The following R3HDM2 variants were observed in gnomAD, a reference collection of about 807,000 sequenced individuals.
R3HDM2 encodes the protein R3H domain containing 2, also known as R3H domain-containing protein 2.
Under a neutral mutation model 124.5 loss-of-function variants are expected in R3HDM2, and 38 were observed. That is an observed-to-expected ratio of 0.31 (90% CI 0.24 to 0.40). The LOEUF is 0.40. Among genes scored for constraint, R3HDM2 ranks in the 10% least tolerant of loss-of-function variants. R3HDM2 has a pLI of 1.00. For synonymous variants in R3HDM2, 391 were observed against 448.0 expected, an observed-to-expected ratio of 0.87 and a Z score of 1.61; for missense variants, 869 against 1,236.9, an observed-to-expected ratio of 0.70 and a Z score of 4.46.
At chr12:57,311,207 T>C (rs1212836586) in intron 2 of R3HDM2, among the ~76,000 whole-genome samples, 3 of 151,856 alleles carry the variant, frequency 2.0e-5, no homozygotes, top group East Asian at 1.9e-4. Context: ...TAAATGGTTA[T>C]AGAATCTATA....
At chr12:57,280,296 G>A (rs977405237) in intron 14 of R3HDM2, 62 bp downstream of exon 14, 9 of 1,511,168 alleles carry the variant, frequency 6.0e-6, no homozygotes, top group South Asian at 3.9e-5. Flanking sequence ...GAGACATGAC[G>A]GTACATCTAA....
At chr12:57,418,903 T>A (rs1424797864) in intron 1 of R3HDM2, among the ~76,000 whole-genome samples, 4 of 152,152 alleles carry the variant, frequency 2.6e-5, no homozygotes, top group Non-Finnish European at 5.9e-5. Flanking sequence ...TCCTAACCAG[T>A]GTCACTCCCT....
chr12:57,292,868 G>A (rs12820086), intron 10 of R3HDM2, among the ~76,000 whole-genome samples: 3 of 152,114 alleles, frequency 2.0e-5, no homozygotes, highest in Non-Finnish European at 4.4e-5. Flanking sequence ...TTTCTGGATG[G>A]CTGGGGACTC....
intron 7 of R3HDM2, 25 bp downstream of exon 7, chr12:57,298,065 C>T (rs1174686492): frequency 2.6e-6 from 4 of 1,513,446 alleles, no homozygotes; most frequent in South Asian, 1.2e-5. Context: ...AACCCCTTTT[C>T]CTCTTATACC....
chr12:57,423,332 G>A (rs1238381828), intron 1 of R3HDM2, among the ~76,000 whole-genome samples: 2 of 151,800 alleles, frequency 1.3e-5, no homozygotes, highest in East Asian at 3.9e-4. Flanking sequence ...ACTAAAGTGG[G>A]AGACTTGCTT....
chr12:57,309,407 G>A (rs1195591913), intron 3 of R3HDM2, among the ~76,000 whole-genome samples: 2 of 152,190 alleles, frequency 1.3e-5, no homozygotes, highest in African/African-American at 4.8e-5. Context: ...GGGCTGGCCA[G>A]GCAGAAACCA....
chr12:57,307,022 A>C (rs905166067), intron 3 of R3HDM2, among the ~76,000 whole-genome samples: 2 of 152,228 alleles, frequency 1.3e-5, no homozygotes, highest in Non-Finnish European at 2.9e-5. Context: ...TTCAAAACAA[A>C]AAAAAAGGAC....
At chr12:57,264,872 A>C (rs1443164118) in intron 19 of R3HDM2, among the ~76,000 whole-genome samples, 2 of 152,168 alleles carry the variant, frequency 1.3e-5, no homozygotes, top group Non-Finnish European at 2.9e-5. Context: ...CCTGGCTTCA[A>C]GAAATTCTCC....
intron 2 of R3HDM2, among the ~76,000 whole-genome samples, chr12:57,386,159 G>GCCCTCA (rs2065720474): frequency 1.3e-5 from 2 of 152,180 alleles, no homozygotes; most frequent in Non-Finnish European, 2.9e-5. Flanking sequence ...GGCAGCGCTC[G>GCCCTCA]CAGCCCTCCC....
At chr12:57,311,667 C>T (rs138254610) in intron 2 of R3HDM2, among the ~76,000 whole-genome samples, 46 of 152,222 alleles carry the variant, frequency 3.0e-4, no homozygotes, top group Non-Finnish European at 5.4e-4. Flanking sequence ...GCCATCGCAC[C>T]CAGCCTTAAA....
intron 3 of R3HDM2, 44 bp from the exon 4 acceptor site, chr12:57,303,261 G>A (rs780899985): frequency 1.7e-5 from 25 of 1,440,124 alleles, no homozygotes; most frequent in Admixed American, 7.9e-5. Flanking sequence ...GAAGAAAATC[G>A]ACATGTAAGT....
At chr12:57,284,834 G>A (rs2046971219) in intron 12 of R3HDM2, among the ~76,000 whole-genome samples, 1 of 152,084 alleles carries the variant, frequency 6.6e-6, no homozygotes, top group Admixed American at 6.5e-5. Flanking sequence ...TTAAGGAAAG[G>A]GGTTCTCCCT....
In R3HDM2 at chr12:57,266,797, C is replaced by G. The variant is rs1266893787; in HGVS notation, c.2065G>C (p.Glu689Gln). 6.2e-7 allele frequency: 1 copy of G among 1,610,476 alleles called. No homozygotes were observed. ...GGAGACTGAGGCATCTGGTACTGCT[C>G]AGAGCCAGGGGGTTGCAGAAACCCT... ...SVGFLQPPGS[E>Q]QYQMPQSPSP... Residue 689 changes from glutamate to glutamine, a missense_variant, in exon 19 of 24, where the codon GAG becomes CAG. Physicochemically the swap from Glu to Gln is conservative, Grantham distance 29. Transcript: ENST00000402412.
intron 2 of R3HDM2, among the ~76,000 whole-genome samples, chr12:57,383,264 G>A (rs2065170094): frequency 6.6e-6 from 1 of 152,282 alleles, no homozygotes; most frequent in African/African-American, 2.4e-5. Flanking sequence ...AGGCTGCAGT[G>A]AGCTGTGGTC....
intron 2 of R3HDM2, among the ~76,000 whole-genome samples, chr12:57,334,761 G>A (rs2058647686): frequency 6.6e-6 from 1 of 151,976 alleles, no homozygotes; most frequent in Non-Finnish European, 1.5e-5. Flanking sequence ...ATATATTGAG[G>A]AATCAGTGAG....
At chr12:57,412,015 C>T (rs548573296) in intron 1 of R3HDM2, among the ~76,000 whole-genome samples, 1 of 152,146 alleles carries the variant, frequency 6.6e-6, no homozygotes, top group South Asian at 2.1e-4. Context: ...CCATGTAAGA[C>T]ATGCCTGCTT....
At chr12:57,361,249 C>A (rs1379537501) in intron 2 of R3HDM2, among the ~76,000 whole-genome samples, 3 of 151,312 alleles carry the variant, frequency 2.0e-5, no homozygotes, top group Non-Finnish European at 4.4e-5. Context: ...GTGGCACATG[C>A]CTGTAATCCC....
At position 57,254,689 on chromosome 12, in the gene R3HDM2, C is replaced by G; in HGVS notation, c.*84G>C. The G allele has an allele frequency of 8.1e-7, 1 of 1,230,140 alleles. No individual in the cohort carries two copies. Among genetic ancestry groups the G allele is most frequent in the Non-Finnish European group, 1.1e-6 (1 of 887,562 alleles). The allele number at this position is 1,230,140 out of a possible 1,614,324, so 76.2% of individuals were successfully genotyped here. On this transcript the variant is annotated 3_prime_UTR_variant, in exon 24 of 24. Transcript: ENST00000402412. ...TAACATCAGTTTCCTTACTTCCTGC[C>G]TCTGTCCATGGTCTGTCAGGATCCT... is the stretch of plus-strand genomic sequence containing the variant.
At chr12:57,361,868 G>GA (rs1307606834) in intron 2 of R3HDM2, among the ~76,000 whole-genome samples, 2 of 152,184 alleles carry the variant, frequency 1.3e-5, no homozygotes, top group African/African-American at 2.4e-5. Context: ...CAAGGTAACA[G>GA]AAACAGCAGC....
Sources: allele counts gnomAD v4.1 joint callset (sites outside exome capture counted in the v4.1 genomes callset), GRCh38; gene constraint gnomAD v4.1.1; transcripts MANE v1.5; gene names NCBI Gene and HGNC (gene_info 2026-07-23, HGNC 2026-07-21).